PLD5: variants seen among roughly 807,000 people sequenced by gnomAD.
PLD5 encodes phospholipase D family member 5, also known as inactive phospholipase D5.
In PLD5, 36 loss-of-function variants were observed where a neutral mutation model predicts 61.1. That is an observed-to-expected ratio of 0.59 (90% confidence interval 0.45 to 0.78). The LOEUF (loss-of-function observed/expected upper bound fraction) is 0.78. Among genes scored for constraint, PLD5 ranks in the 30% least tolerant of loss-of-function variants. The probability of loss-of-function intolerance (pLI) is 0.00; values close to 1 mark genes in which losing one functional copy is unlikely to be tolerated. For missense variants in PLD5, 515 were observed against 644.4 expected (o/e 0.80, Z 2.17); for synonymous variants, 243 against 242.8 (o/e 1.00, Z -0.01).
chr1:242,275,668 CAG>C, intron 3 of PLD5, among the ~76,000 whole-genome samples: 1 of 152,200 alleles, frequency 6.6e-6, no homozygotes. Flanking sequence ...TGGAGGAAGA[CAG>C]AGCAAGGGAA....
At position 242,085,080 on chromosome 1, in the gene PLD5, G is replaced by C. The variant is rs1378441150; in HGVS notation, c.*4774C>G. 2 of 151,936 alleles carry C rather than the reference G, an allele frequency of 1.3e-5. No individual in the cohort carries two copies. Among genetic ancestry groups the C allele is most frequent in the African/African-American group, 4.8e-5 (2 of 41,342 alleles). 9.4% of individuals were successfully genotyped at this position (151,936 alleles called of 1,614,324 possible). A position where few individuals can be genotyped will look rare whatever the true frequency, so the allele number is the denominator to read the frequency against. ...ACCCTTTATCAAACCCATTTATTTA[G>C]GGATCTTAAGGTTAATAATATAGAT... On this transcript the variant is annotated 3_prime_UTR_variant, in exon 10 of 10. Transcript: ENST00000536534.
At chr1:242,268,361 A>G (rs1015591933) in intron 3 of PLD5, among the ~76,000 whole-genome samples, 1 of 152,094 alleles carries the variant, frequency 6.6e-6, no homozygotes, top group African/African-American at 2.4e-5. Flanking sequence ...AAATTCATTT[A>G]TTTTTTTAGT....
At chr1:242,274,667 T>A (rs10926673) in intron 3 of PLD5, among the ~76,000 whole-genome samples, 62,498 of 151,750 alleles carry the variant, frequency 0.41, 13,282 homozygotes, top group South Asian at 0.5. Context: ...GGTAGGAGAA[T>A]GGCGTGAACC....
At chr1:242,490,834 T>C (rs1393081805) in intron 1 of PLD5, among the ~76,000 whole-genome samples, 3 of 150,848 alleles carry the variant, frequency 2.0e-5, no homozygotes, top group Non-Finnish European at 4.4e-5. Flanking sequence ...CAGTAGACCC[T>C]GGGGTTCCGA....
At chr1:242,217,942 AT>A (rs1353064630) in intron 5 of PLD5, among the ~76,000 whole-genome samples, 2 of 152,238 alleles carry the variant, frequency 1.3e-5, no homozygotes, top group Non-Finnish European at 2.9e-5. Flanking sequence ...AATAAAAAGG[AT>A]TTAGAATATT....
At chr1:242,362,997 G>A (rs1190164142) in intron 1 of PLD5, among the ~76,000 whole-genome samples, 1 of 152,208 alleles carries the variant, frequency 6.6e-6, no homozygotes, top group Non-Finnish European at 1.5e-5. Context: ...AAGTTGAGGA[G>A]AAAGACTCGG....
At chr1:242,506,483 G>A (rs868328591) in intron 1 of PLD5, among the ~76,000 whole-genome samples, 27 of 152,236 alleles carry the variant, frequency 1.8e-4, no homozygotes, top group South Asian at 8.3e-4. Context: ...GGACTGCAGC[G>A]TGAGGAATAA....
At chr1:242,416,831 A>G (rs879680131) in intron 1 of PLD5, among the ~76,000 whole-genome samples, 6 of 152,214 alleles carry the variant, frequency 3.9e-5, no homozygotes, top group Non-Finnish European at 7.3e-5. Context: ...TGATGCCAAA[A>G]AGTCAGCCTC....
intron 4 of PLD5, among the ~76,000 whole-genome samples, chr1:242,229,625 C>T (rs1242100002): frequency 2.0e-5 from 3 of 152,088 alleles, no homozygotes; most frequent in African/African-American, 7.2e-5. Flanking sequence ...GTTTGTATGA[C>T]TTTTGACATT....
chr1:242,420,635 ACTTCC>A (rs1208616707), intron 1 of PLD5, among the ~76,000 whole-genome samples: 1 of 152,014 alleles, frequency 6.6e-6, no homozygotes, highest in East Asian at 1.9e-4. Flanking sequence ...CATGCCTCCA[ACTTCC>A]CTATCTTTCT....
intron 4 of PLD5, among the ~76,000 whole-genome samples, chr1:242,254,926 C>T (rs12064477): frequency 0.083 from 12,629 of 152,260 alleles, 657 homozygotes; most frequent in East Asian, 0.16. Context: ...AAGACAGAAT[C>T]CCTTGCAATA....
chr1:242,362,911 A>G (rs2800537), intron 1 of PLD5, among the ~76,000 whole-genome samples: 143,949 of 151,946 alleles, frequency 0.95, 68,644 homozygotes, highest in Non-Finnish European at 1. Flanking sequence ...CCTGCTGAGG[A>G]CCAGACCCAC....
chr1:242,223,851 T>TAGAGAG (rs34987274), intron 4 of PLD5, among the ~76,000 whole-genome samples: 9 of 144,342 alleles, frequency 6.2e-5, no homozygotes, highest in East Asian at 4.1e-4. Flanking sequence ...TATATATAAA[T>TAGAGAG]AGAGAGAGAG....
intron 1 of PLD5, among the ~76,000 whole-genome samples, chr1:242,352,601 T>A (rs904727811): frequency 6.6e-6 from 1 of 152,122 alleles, no homozygotes; most frequent in African/African-American, 2.4e-5. Flanking sequence ...GCAAATCTAT[T>A]TTTAGTTTTT....
At chr1:242,225,701 C>T (rs1333101856) in intron 4 of PLD5, among the ~76,000 whole-genome samples, 3 of 152,238 alleles carry the variant, frequency 2.0e-5, no homozygotes. Context: ...TAGTGTGGAA[C>T]AGTGGTTTGT....
chr1:242,449,234 G>A lies in PLD5; in HGVS notation c.189+74854C>T. Reference sequence around the variant, plus strand: ...GCCCTTCTCATAAAAAAAGGACAGTGCCTCAGAGCTCAAGTGACTGTTCAG... The same window carrying A: ...GCCCTTCTCATAAAAAAAGGACAGTACCTCAGAGCTCAAGTGACTGTTCAG... On this transcript the variant is annotated intron_variant, in intron 1 of 9. Coordinates refer to ENST00000536534, the MANE Select transcript of PLD5 (RefSeq NM_001372062.1). The A allele has an allele frequency of 1.5e-5, 19 of 1,263,090 alleles. 1 individual carries two copies. Among genetic ancestry groups the A allele is most frequent in the Non-Finnish European group, 1.8e-5 (16 of 902,530 alleles). The allele number at this position is 1,263,090 out of a possible 1,614,324, so 78.2% of individuals were successfully genotyped here.
Position 242,206,933 on chromosome 1 carries a change from G to A in PLD5, c.735+13055C>T, listed in dbSNP as rs553242226. ...AAGGAATTGGCACATATGATTGTGG[G>A]GGCTGTAAGTTCAAAATCTGCAGGG... On this transcript the variant is annotated intron_variant, in intron 5 of 9. Coordinates refer to ENST00000536534, the MANE Select transcript of PLD5 (RefSeq NM_001372062.1). Among the ~76,000 whole-genome samples the A allele has an allele frequency of 2.6e-5, 4 of 152,268 alleles. No homozygotes were observed. In the East Asian group the frequency reaches 7.7e-4, roughly 29 times the overall value.
intron 1 of PLD5, among the ~76,000 whole-genome samples, chr1:242,495,785 G>A (rs1278672785): frequency 6.6e-6 from 1 of 152,146 alleles, no homozygotes; most frequent in Non-Finnish European, 1.5e-5. Flanking sequence ...AGAGAACACT[G>A]ATTTAAAGTA....
chr1:242,214,159 C>T (rs961916624), intron 5 of PLD5, among the ~76,000 whole-genome samples: 57 of 152,214 alleles, frequency 3.7e-4, no homozygotes, highest in Middle Eastern at 3.4e-3. Context: ...GTTCACTCTC[C>T]CATACCTAAT....
Sources: gnomAD v4.1 joint callset for allele counts (sites outside exome capture counted in the v4.1 genomes callset) on GRCh38, gnomAD v4.1.1 for gene constraint, MANE v1.5 for transcripts, NCBI Gene and HGNC (gene_info 2026-07-23, HGNC 2026-07-21) for gene names.